Variants in CENATAC observed in about 807,000 individuals in gnomAD.
CENATAC encodes the protein coiled-coil domain containing 84.
A neutral mutation model predicts 53.7 loss-of-function variants in CENATAC; 53 were observed. That is an observed-to-expected ratio of 0.99 (90% CI 0.79 to 1.24). CENATAC has a LOEUF of 1.24. CENATAC is among the 50% of genes most tolerant of loss of function. CENATAC has a pLI of 0.00. For missense variants in CENATAC, 474 were observed against 417.8 expected (o/e 1.13, Z -1.17); for synonymous variants, 156 against 144.6 (o/e 1.08, Z -0.57).
intron 5 of CENATAC, among the ~76,000 whole-genome samples, 181 bp downstream of exon 5, chr11:119,011,464 C>T (rs1942865830): frequency 6.6e-6 from 1 of 152,134 alleles, no homozygotes; most frequent in Non-Finnish European, 1.5e-5. Flanking sequence ...ACCTCCACCT[C>T]CCAGGTTCAG....
At chr11:119,015,254 C>T (rs1943105282) in intron 9 of CENATAC, 53 bp from the exon 10 acceptor site, 4 of 1,533,540 alleles carry the variant, frequency 2.6e-6, no homozygotes, top group Non-Finnish European at 3.5e-6. Context: ...AGTGAGACCC[C>T]ATCTCTATAT....
chr11:118,999,646 T>C (rs1942190625), intron 3 of CENATAC, among the ~76,000 whole-genome samples: 1 of 151,818 alleles, frequency 6.6e-6, no homozygotes. Context: ...TACGTTTTTT[T>C]CTTTTTTTCT....
intron 3 of CENATAC, among the ~76,000 whole-genome samples, chr11:119,002,342 ATT>A (rs368309024): frequency 0.25 from 34,142 of 136,082 alleles, 4,089 homozygotes; most frequent in African/African-American, 0.34. Flanking sequence ...TAGAAAAAAG[ATT>A]TTTTTTTTTT....
intron 3 of CENATAC, chr11:119,003,842 C>G (rs1224566217): frequency 6.5e-6 from 1 of 152,676 alleles, no homozygotes; most frequent in African/African-American, 2.4e-5. Context: ...TGGTCTCGAA[C>G]TCCCGACCTC....
intron 8 of CENATAC, chr11:119,014,099 T>C (rs1443255283): frequency 2.0e-5 from 3 of 152,220 alleles, no homozygotes; most frequent in Admixed American, 2.0e-4. Flanking sequence ...ATCCAACCGT[T>C]CCACCCCTAA....
chr11:119,003,346 T>C, intron 3 of CENATAC: 1 of 534,206 alleles, frequency 1.9e-6, no homozygotes, highest in Non-Finnish European at 3.7e-6. Flanking sequence ...TCTTCTTTTT[T>C]TTGTGGCTGT....
rs76422576 is a variant in CENATAC, at chr11:119,014,954, G to C, written c.716-40G>C. On this transcript the variant is annotated intron_variant, in intron 8 of 10. Transcript: ENST00000334418. ...AGGACATGTTTCACAATAGCCTGAA[G>C]ACTTAAAAAAAAAAAAAAAAGCCTT... is the stretch of plus-strand genomic sequence containing the variant. 7.9e-4 allele frequency: 783 copies of C among 992,428 alleles called. 3 individuals carry two copies. The African/African-American group carries it at 0.017, about 21-fold the overall frequency. 61.5% of individuals were successfully genotyped at this position (992,428 alleles called of 1,614,324 possible).
intron 4 of CENATAC, 105 bp from the exon 5 acceptor site, chr11:119,011,116 G>GT: frequency 1.1e-6 from 1 of 946,780 alleles, no homozygotes; most frequent in East Asian, 2.5e-5. Flanking sequence ...CCACAGACCA[G>GT]TACTGGTCCA....
chr11:119,013,136 T>G (rs1398698872), intron 7 of CENATAC, 96 bp from the exon 8 acceptor site: 3 of 897,836 alleles, frequency 3.3e-6, no homozygotes, highest in Non-Finnish European at 5.3e-6. Flanking sequence ...CACACCCACC[T>G]CTTTTAAAGT....
intron 8 of CENATAC, 21 bp from the exon 9 acceptor site, chr11:119,014,973 A>G: frequency 1.3e-6 from 2 of 1,540,678 alleles, no homozygotes; most frequent in Non-Finnish European, 1.8e-6. Flanking sequence ...AAAAAAAAAA[A>G]AGCCTTAATT....
At position 118,998,139 on chromosome 11, in the gene CENATAC, G is replaced by A. The variant is rs1942100048; in HGVS notation, c.-59G>A. ...GCCCCACCCCGAGGGGTCAGGGTCA[G>A]AGGCCGCCGGATGGCGTAGGATCGG... On this transcript the variant is annotated 5_prime_UTR_variant, in exon 1 of 11. Coordinates refer to ENST00000334418, the MANE Select transcript of CENATAC (RefSeq NM_198489.3). 1.3e-6 allele frequency: 2 copies of A among 1,546,620 alleles called. 1 individual carries two copies. The highest frequency in any genetic ancestry group is 2.4e-5 in the South Asian group (2 of 84,274).
chr11:119,002,723 G>A (rs1056852635), intron 3 of CENATAC, among the ~76,000 whole-genome samples: 17 of 146,684 alleles, frequency 1.2e-4, no homozygotes, highest in Non-Finnish European at 1.3e-4. Context: ...GAATTATACT[G>A]TAACAGGCAT....
chr11:119,008,891 C>A (rs1056607555), intron 3 of CENATAC, among the ~76,000 whole-genome samples: 1 of 152,158 alleles, frequency 6.6e-6, no homozygotes, highest in African/African-American at 2.4e-5. Flanking sequence ...ATTTTGTTAA[C>A]AAGGCACGTC....
At chr11:119,012,284 C>T (rs1400257566) in intron 7 of CENATAC, 30 bp downstream of exon 7, 2 of 1,610,520 alleles carry the variant, frequency 1.2e-6, no homozygotes, top group African/African-American at 2.7e-5. Flanking sequence ...CAGAAGAGGG[C>T]CAATGGTCCC....
chr11:119,010,286 A>T (rs1184754827), intron 3 of CENATAC: 1 of 156,282 alleles, frequency 6.4e-6, no homozygotes, highest in African/African-American at 2.4e-5. Context: ...ATTCCATGTG[A>T]TCTTTTGTTG....
At position 118,998,481 on chromosome 11, in the gene CENATAC, C is replaced by G. The variant is rs541867889; in HGVS notation, c.172C>G (p.Pro58Ala). 1.2e-6 allele frequency: 2 copies of G among 1,613,306 alleles called. No homozygotes were observed. The highest frequency in any genetic ancestry group is 1.7e-5 in the Admixed American group (1 of 59,896). ...IRAAQVERYV[P>A]EHERCCWCLC... Reference sequence around the variant, plus strand: ...CGCCGCTCAGGTGGAGCGCTATGTGCCCGAACACGAGCGATGCTGCTGGTG... The same window carrying G: ...CGCCGCTCAGGTGGAGCGCTATGTGGCCGAACACGAGCGATGCTGCTGGTG... The change falls in exon 2 of 11, where the codon CCC (proline) becomes GCC (alanine). Residue 58 changes from proline to alanine, a missense_variant. Coordinates refer to ENST00000334418, the MANE Select transcript of CENATAC (RefSeq NM_198489.3).
chr11:119,001,782 T>C (rs1942311107), intron 3 of CENATAC: 1 of 435,426 alleles, frequency 2.3e-6, no homozygotes, highest in Non-Finnish European at 4.6e-6. Context: ...AACTGCCAGA[T>C]GTGGTGGTGC....
At chr11:119,010,005 G>T in intron 3 of CENATAC, 1 of 152,280 alleles carries the variant, frequency 6.6e-6, no homozygotes, top group Non-Finnish European at 1.5e-5. Context: ...AATTAGCCAG[G>T]CATAGTGGTG....
chr11:118,999,047 G>C lies in CENATAC; in HGVS notation c.321G>C (p.Trp107Cys). The C allele has an allele frequency of 6.2e-7, 1 of 1,614,042 alleles. No individual in the cohort carries two copies. The highest frequency in any genetic ancestry group is 8.5e-7 in the Non-Finnish European group (1 of 1,180,006). Residue 107 changes from tryptophan (W) to cysteine (C), a missense_variant, in exon 3 of 11, where the codon TGG (tryptophan) becomes TGC (cysteine). Trp to Cys is a radical substitution (Grantham distance 215). Coordinates refer to ENST00000334418, the MANE Select transcript of CENATAC (RefSeq NM_198489.3). ...EHKKATNKFW[W>C]ENKAEVQMKE... ...AGAAAGCAACCAACAAATTCTGGTGGGAGAACAAAGCTGAGGTCCAGATGA... is the reference window on the plus strand; with the variant it reads ...AGAAAGCAACCAACAAATTCTGGTGCGAGAACAAAGCTGAGGTCCAGATGA...
Sources: allele counts gnomAD v4.1 joint callset (sites outside exome capture counted in the v4.1 genomes callset), GRCh38; gene constraint gnomAD v4.1.1; transcripts MANE v1.5; gene names NCBI Gene and HGNC (gene_info 2026-07-23, HGNC 2026-07-21).